Variants in TRPM3 observed in about 807,000 individuals in gnomAD.
TRPM3 encodes the protein transient receptor potential cation channel subfamily M member 3, also known as long transient receptor potential channel 3.
Under a neutral mutation model 181.2 loss-of-function variants are expected in TRPM3, and 77 were observed. The observed-to-expected ratio is 0.42, with a 90% CI of 0.35 to 0.51. The LOEUF is 0.51. TRPM3 is among the 20% of genes least tolerant of loss of function. TRPM3 has a pLI of 0.01. For synonymous variants in TRPM3, 745 were observed against 796.4 expected, an observed-to-expected ratio of 0.94 and a Z score of 1.09; for missense variants, 1,759 against 2,196.7, an observed-to-expected ratio of 0.80 and a Z score of 3.98.
At position 71,328,081 on chromosome 9, in the gene TRPM3, C is replaced by A. The variant is rs375627482; in HGVS notation, c.183+118572G>T. On this transcript the variant is annotated intron_variant, in intron 1 of 24. Transcript: ENST00000357533. ...ATTTTTCTGAATTAAAAAAAAAAAA[C>A]AAAAAAAAAACCCCAAGTGACAAGA... Among the ~76,000 whole-genome samples, 840 of 141,042 alleles carry A rather than the reference C, an allele frequency of 6.0e-3. 10 individuals are homozygous for A. Among genetic ancestry groups the A allele is most frequent in the African/African-American group, 0.02 (745 of 38,126 alleles). The allele number at this position is 141,042 out of a possible 152,430, so 92.5% of individuals were successfully genotyped here.
chr9:71,096,172 T>C (rs2067156327), intron 1 of TRPM3, among the ~76,000 whole-genome samples: 1 of 151,598 alleles, frequency 6.6e-6, no homozygotes, highest in Non-Finnish European at 1.5e-5. Context: ...AATAGACCAG[T>C]GATCAGAAAA....
At position 71,239,046 on chromosome 9, in the gene TRPM3, T is replaced by C. The variant is rs1024628790; in HGVS notation, c.183+207607A>G. Among the ~76,000 whole-genome samples, 5 of 152,106 alleles carry C rather than the reference T, an allele frequency of 3.3e-5. 1 individual carries two copies. The highest frequency in any genetic ancestry group is 2.6e-4 in the Admixed American group (4 of 15,268). Reference sequence around the variant, plus strand: ...TGCATCTCTTGTTCTTGAGATCACCTTCCCTACCTCCTTCCCTTGAAGAAG... The same window carrying C: ...TGCATCTCTTGTTCTTGAGATCACCCTCCCTACCTCCTTCCCTTGAAGAAG... On this transcript the variant is annotated intron_variant, in intron 1 of 24. Coordinates refer to the TRPM3 transcript ENST00000357533.
intron 6 of TRPM3, chr9:70,826,267 T>C (rs185899292): frequency 1.6e-4 from 24 of 152,324 alleles, no homozygotes; most frequent in African/African-American, 5.3e-4. Context: ...AATTTTAGTA[T>C]TTACAGTAAA....
intron 9 of TRPM3, among the ~76,000 whole-genome samples, chr9:70,642,346 A>C (rs951954650): frequency 6.6e-6 from 1 of 152,212 alleles, no homozygotes. Flanking sequence ...TGAGAGTCAG[A>C]TCCAGAGAAT....
chr9:70,926,003 A>C lies in TRPM3; in HGVS notation c.178-61492T>G, dbSNP rs886312762. Among the ~76,000 whole-genome samples, 629 of 151,854 alleles carry C rather than the reference A, an allele frequency of 4.1e-3. 5 individuals are homozygous for C. Among genetic ancestry groups the C allele is most frequent in the Admixed American group, 6.4e-3 (97 of 15,236 alleles). On this transcript the variant is annotated intron_variant, in intron 1 of 25. Coordinates refer to ENST00000677713, the MANE Select transcript of TRPM3 (RefSeq NM_001366145.2). ...AAAGGTTGGCTTGGGAAAACAAAAA[A>C]AAAAAAAACAAACAAAAGCCACCTT...
chr9:71,213,726 G>C (rs1262299954), intron 1 of TRPM3, among the ~76,000 whole-genome samples: 3 of 152,134 alleles, frequency 2.0e-5, no homozygotes, highest in South Asian at 4.1e-4. Flanking sequence ...TCAACAGATT[G>C]TTACAAAGAT....
intron 20 of TRPM3, among the ~76,000 whole-genome samples, chr9:70,602,106 CT>C (rs6151027): frequency 1.7e-3 from 224 of 128,144 alleles, no homozygotes; most frequent in Middle Eastern, 4.7e-3. Context: ...CAAGGCATTC[CT>C]TTTTTTTTTT....
intron 1 of TRPM3, among the ~76,000 whole-genome samples, chr9:71,259,482 G>A (rs1448789661): frequency 1.3e-5 from 2 of 152,110 alleles, no homozygotes; most frequent in Admixed American, 6.5e-5. Flanking sequence ...CTCCCACAAT[G>A]GTTGAACTAA....
In TRPM3 at chr9:70,660,976, G is replaced by A. The variant is rs145518370; in HGVS notation, c.1346-20316C>T. Among the ~76,000 whole-genome samples, 867 of 151,954 alleles carry A rather than the reference G, an allele frequency of 5.7e-3. 18 individuals are homozygous for A. Among genetic ancestry groups the A allele is most frequent in the Admixed American group, 0.035 (534 of 15,254 alleles). The stretch of plus-strand genomic sequence containing the variant: ...TAATACCAAGACCAGCAAAGGACAT[G>A]TCAAAAAAAGAAAACTACAGACCGA... On this transcript the variant is annotated intron_variant, in intron 9 of 25. Transcript: ENST00000677713.
At position 70,653,461 on chromosome 9, in the gene TRPM3, G is replaced by T. The variant is rs538865843; in HGVS notation, c.1346-12801C>A. Among the ~76,000 whole-genome samples the T allele has an allele frequency of 2.6e-4, 40 of 151,984 alleles. 1 individual carries two copies. Among genetic ancestry groups the T allele is most frequent in the Admixed American group, 1.7e-3 (26 of 15,254 alleles). On this transcript the variant is annotated intron_variant, in intron 9 of 25. Transcript: ENST00000677713. ...ACATGTTGCAGGAAATAGTTGTTTG[G>T]GGATATGGTTTTTTTTTGGTTGTTT... is the stretch of plus-strand genomic sequence containing the variant.
intron 1 of TRPM3, among the ~76,000 whole-genome samples, chr9:71,232,607 TCTC>T (rs1229520270): frequency 1.4e-5 from 2 of 147,106 alleles, no homozygotes; most frequent in Non-Finnish European, 3.0e-5. Context: ...TTCAAGCAAT[TCTC>T]CTGCCTCAGC....
At chr9:71,088,214 T>G (rs965496943) in intron 1 of TRPM3, among the ~76,000 whole-genome samples, 1 of 152,082 alleles carries the variant, frequency 6.6e-6, no homozygotes, top group Non-Finnish European at 1.5e-5. Flanking sequence ...ATTTATGAAC[T>G]AATATTACGC....
chr9:71,024,593 A>G (rs531871461), intron 1 of TRPM3, among the ~76,000 whole-genome samples: 1 of 152,336 alleles, frequency 6.6e-6, no homozygotes, highest in East Asian at 1.9e-4. Flanking sequence ...TACTCTTAGC[A>G]GTATTACTTT....
chr9:70,755,742 G>T (rs1047484865), intron 8 of TRPM3, among the ~76,000 whole-genome samples: 1 of 152,104 alleles, frequency 6.6e-6, no homozygotes, highest in African/African-American at 2.4e-5. Context: ...AAGTGAAGAA[G>T]AAATAAAATC....
At chr9:70,936,041 T>A (rs546828130) in intron 1 of TRPM3, among the ~76,000 whole-genome samples, 1 of 152,344 alleles carries the variant, frequency 6.6e-6, no homozygotes, top group Admixed American at 6.5e-5. Flanking sequence ...TGGCATTGCC[T>A]TTGCAATGGA....
At chr9:71,396,687 C>T (rs1289423595) in intron 1 of TRPM3, among the ~76,000 whole-genome samples, 2 of 151,372 alleles carry the variant, frequency 1.3e-5, no homozygotes. Flanking sequence ...AAATGCCGGG[C>T]GTGGTGGCTC....
At chr9:70,843,772 C>T (rs35273569) in intron 4 of TRPM3, among the ~76,000 whole-genome samples, 14,059 of 142,362 alleles carry the variant, frequency 0.099, 1,008 homozygotes, top group African/African-American at 0.21. Flanking sequence ...AGATGTTAGG[C>T]GGCATAACTC....
At chr9:71,209,165 C>T (rs1438137175) in intron 1 of TRPM3, among the ~76,000 whole-genome samples, 1 of 152,054 alleles carries the variant, frequency 6.6e-6, no homozygotes, top group Non-Finnish European at 1.5e-5. Flanking sequence ...AAAGTGCTTG[C>T]TTTTTAAGGA....
At chr9:71,375,122 C>A (rs1447083532) in intron 1 of TRPM3, among the ~76,000 whole-genome samples, 4 of 151,958 alleles carry the variant, frequency 2.6e-5, no homozygotes, top group Non-Finnish European at 2.9e-5. Context: ...AAAAAAGAGC[C>A]CAAATAGCCC....
Sources: gnomAD v4.1 joint callset for allele counts (sites outside exome capture counted in the v4.1 genomes callset) on GRCh38, gnomAD v4.1.1 for gene constraint, MANE v1.5 for transcripts, NCBI Gene and HGNC (gene_info 2026-07-23, HGNC 2026-07-21) for gene names.